Variants in CRK observed in about 807,000 individuals in gnomAD.
The protein encoded by CRK is CRK proto-oncogene, adaptor protein.
Under a neutral mutation model 29.8 loss-of-function variants are expected in CRK, and 4 were observed. The ratio of observed to expected loss-of-function variants is 0.13; its 90% confidence interval spans 0.07 to 0.31. The LOEUF is 0.31. Ranked by LOEUF, CRK falls within the 10% of genes least tolerant of loss-of-function variation. CRK has a pLI of 1.00. For synonymous variants in CRK, 153 were observed against 164.9 expected, an observed-to-expected ratio of 0.93 and a Z score of 0.55; for missense variants, 274 against 396.5, an observed-to-expected ratio of 0.69 and a Z score of 2.62.
intron 1 of CRK, among the ~76,000 whole-genome samples, chr17:1,450,842 C>T (rs973466386): frequency 4.0e-5 from 6 of 151,810 alleles, no homozygotes; most frequent in African/African-American, 1.2e-4. Flanking sequence ...GCTGAGATCG[C>T]GCCACTGCAC....
chr17:1,449,247 T>TCACACTTACGGATG (rs2074000287), intron 1 of CRK, among the ~76,000 whole-genome samples: 2 of 152,162 alleles, frequency 1.3e-5, no homozygotes, highest in Admixed American at 1.3e-4. Flanking sequence ...CGAGGTCCTT[T>TCACACTTACGGATG]CACACTTACG....
chr17:1,437,222 T>G lies in CRK; in HGVS notation c.242-67A>C. On this transcript the variant is annotated intron_variant, in intron 1 of 2. Transcript: ENST00000300574. ...ACTGGAAATGAAATGCAGATTTTAT[T>G]TTTATTTTTTTTAGAGTTGGGATCT... 3 of 1,471,392 alleles carry G rather than the reference T, an allele frequency of 2.0e-6. No homozygotes were observed. In the South Asian group the frequency reaches 4.3e-5, roughly 21 times the overall value. The allele number at this position is 1,471,392 out of a possible 1,614,324, so 91.1% of individuals were successfully genotyped here.
At position 1,423,527 on chromosome 17, in the gene CRK, C is replaced by T. The variant is rs775008230; in HGVS notation, c.901G>A (p.Glu301Lys). The change falls in exon 3 of 3, where the codon GAG (glutamate) becomes AAG (lysine). Residue 301 changes from glutamate to lysine, a missense_variant. By Grantham distance (56) the Glu-to-Lys change is moderately conservative. Transcript: ENST00000300574. ...TTGAACTATACTCAGCTGAAGTCCT[C>T]ATCGGGATTCTGTTGATCCAGCAGA... ...VRLLDQQNPDEDFS is the reference protein window; with the variant it reads ...VRLLDQQNPDKDFS 1 of 1,614,004 alleles carries T rather than the reference C, an allele frequency of 6.2e-7. No homozygotes were observed. The highest frequency in any genetic ancestry group is 2.2e-5 in the East Asian group (1 of 44,884).
chr17:1,436,046 GA>G (rs1176029547), intron 2 of CRK, among the ~76,000 whole-genome samples: 1 of 152,084 alleles, frequency 6.6e-6, no homozygotes, highest in Non-Finnish European at 1.5e-5. Flanking sequence ...CTGGCTTTTT[GA>G]ATGATTTAGA....
chr17:1,448,269 G>C (rs1457312410), intron 1 of CRK, among the ~76,000 whole-genome samples: 1 of 152,044 alleles, frequency 6.6e-6, no homozygotes, highest in Non-Finnish European at 1.5e-5. Context: ...CCTAACTTCT[G>C]TGTGCCTCAC....
At chr17:1,428,512 A>G (rs8070640) in intron 2 of CRK, among the ~76,000 whole-genome samples, 25,804 of 143,820 alleles carry the variant, frequency 0.18, 3,665 homozygotes, top group African/African-American at 0.4. Flanking sequence ...CCTTTGGACC[A>G]TATCAGATCT....
intron 1 of CRK, among the ~76,000 whole-genome samples, chr17:1,448,042 T>C (rs894788265): frequency 3.9e-5 from 6 of 152,110 alleles, no homozygotes; most frequent in African/African-American, 1.4e-4. Context: ...CTCGGGAGGC[T>C]GAGGCAGGAG....
intron 1 of CRK, among the ~76,000 whole-genome samples, chr17:1,441,629 C>A (rs1331562049): frequency 6.6e-6 from 1 of 151,776 alleles, no homozygotes; most frequent in African/African-American, 2.4e-5. Flanking sequence ...GTAGCTGGGA[C>A]TACAGGCCCG....
intron 2 of CRK, among the ~76,000 whole-genome samples, chr17:1,427,862 T>C (rs913972604): frequency 6.6e-6 from 1 of 151,880 alleles, no homozygotes; most frequent in Non-Finnish European, 1.5e-5. Context: ...CTCGAACTCC[T>C]GACCTCATGA....
intron 1 of CRK, among the ~76,000 whole-genome samples, chr17:1,454,794 G>A (rs186291055): frequency 3.3e-5 from 5 of 152,246 alleles, no homozygotes; most frequent in Admixed American, 2.0e-4. Context: ...GAATTACTTT[G>A]TACCTCACAA....
At chr17:1,441,751 A>G (rs2073936762) in intron 1 of CRK, among the ~76,000 whole-genome samples, 1 of 151,644 alleles carries the variant, frequency 6.6e-6, no homozygotes, top group Admixed American at 6.6e-5. Context: ...CGGCCTCCCA[A>G]AGTGCTGGGA....
intron 2 of CRK, among the ~76,000 whole-genome samples, chr17:1,434,792 C>A (rs201201933): frequency 2.1e-3 from 258 of 124,632 alleles, no homozygotes; most frequent in Non-Finnish European, 2.4e-3. Context: ...CAAAAAGAAC[C>A]AAAAAAAAAA....
intron 2 of CRK, 105 bp from the exon 3 acceptor site, chr17:1,423,755 GAT>G: frequency 7.0e-7 from 1 of 1,421,550 alleles, no homozygotes; most frequent in Non-Finnish European, 9.5e-7. Flanking sequence ...CTGCTCTAGG[GAT>G]ATTACAGAAA....
chr17:1,427,365 C>A (rs1369713098), intron 2 of CRK, among the ~76,000 whole-genome samples: 2 of 151,002 alleles, frequency 1.3e-5, no homozygotes, highest in Non-Finnish European at 2.9e-5. Flanking sequence ...AGGCTGAGGG[C>A]GGCAGATCAT....
At chr17:1,425,171 G>A (rs1013077699) in intron 2 of CRK, among the ~76,000 whole-genome samples, 7 of 151,622 alleles carry the variant, frequency 4.6e-5, no homozygotes, top group Admixed American at 3.3e-4. Flanking sequence ...CTCACTGCAA[G>A]CTCTGCCTCC....
intron 1 of CRK, among the ~76,000 whole-genome samples, chr17:1,451,997 A>G (rs1215931435): frequency 1.3e-5 from 2 of 152,248 alleles, no homozygotes; most frequent in East Asian, 1.9e-4. Flanking sequence ...CAAAAACAAC[A>G]AAACAAAAAA....
intron 1 of CRK, among the ~76,000 whole-genome samples, chr17:1,443,091 G>C (rs2073947860): frequency 6.6e-6 from 1 of 150,874 alleles, no homozygotes; most frequent in African/African-American, 2.4e-5. Flanking sequence ...TGATTCTCTT[G>C]CCTCAGCTTC....
rs2073732204 is a variant in CRK, at chr17:1,422,164, T to C, written c.*1349A>G. The C allele has an allele frequency of 6.6e-6, 1 of 151,556 alleles. No homozygotes were observed. Among genetic ancestry groups the C allele is most frequent in the Non-Finnish European group, 1.5e-5 (1 of 67,900 alleles). 9.4% of individuals were successfully genotyped at this position (151,556 alleles called of 1,614,324 possible). A position where few individuals can be genotyped will look rare whatever the true frequency, so the allele number is the denominator to read the frequency against. Reference sequence around the variant, plus strand: ...TTCAACATTTTTTTTTCTTTTTTTTTTCCTTTTTTTTTTTTTTGAGACTGA... The same window carrying C: ...TTCAACATTTTTTTTTCTTTTTTTTCTCCTTTTTTTTTTTTTTGAGACTGA... On this transcript the variant is annotated 3_prime_UTR_variant, in exon 3 of 3. Transcript: ENST00000300574.
intron 2 of CRK, among the ~76,000 whole-genome samples, chr17:1,424,067 G>GTTT (rs58338503): frequency 0.019 from 2,076 of 109,748 alleles, 113 homozygotes; most frequent in South Asian, 0.037. Context: ...AGCTTTCTCC[G>GTTT]TTTTTTTTTT....
Sources: allele counts gnomAD v4.1 joint callset (sites outside exome capture counted in the v4.1 genomes callset), GRCh38; gene constraint gnomAD v4.1.1; transcripts MANE v1.5; gene names NCBI Gene and HGNC (gene_info 2026-07-23, HGNC 2026-07-21).